COL5A2: variants seen among roughly 807,000 people sequenced by gnomAD.
COL5A2 encodes collagen alpha-2(V) chain.
In COL5A2, 23 loss-of-function variants were observed where a neutral mutation model predicts 208.2. The observed-to-expected ratio is 0.11, with a 90% CI of 0.08 to 0.16. The LOEUF (loss-of-function observed/expected upper bound fraction) is 0.16. Ranked by LOEUF, COL5A2 falls within the 10% of genes least tolerant of loss-of-function variation. COL5A2 has a pLI of 1.00. For missense variants in COL5A2, 1,590 were observed against 1,956.4 expected (o/e 0.81, Z 3.53); for synonymous variants, 625 against 628.5 (o/e 0.99, Z 0.08).
At chr2:189,210,242 TAAAG>T (rs1312502697) in intron 1 of COL5A2, among the ~76,000 whole-genome samples, 7 of 151,892 alleles carry the variant, frequency 4.6e-5, no homozygotes, top group Non-Finnish European at 7.4e-5. Context: ...AAAAAGGAAA[TAAAG>T]AGAGTTTAAA....
At chr2:189,347,544 T>A in the COL5A2 span, among the ~76,000 whole-genome samples, 2 of 152,182 alleles carry the variant, frequency 1.3e-5, no homozygotes, top group Non-Finnish European at 2.9e-5. Context: ...CATCATGAAA[T>A]GTCTAAAATC....
At position 189,032,459 on chromosome 2, in the gene COL5A2, T is replaced by C. The variant is rs1685354293; in HGVS notation, c.*1611A>G. On this transcript the variant is annotated 3_prime_UTR_variant, in exon 54 of 54. Coordinates refer to ENST00000374866, the MANE Select transcript of COL5A2 (RefSeq NM_000393.5). Reference sequence around the variant, plus strand: ...ATACCACCACATCTCCTTTTCACTATTGGAAATGAAATAGATCTAATATGG... The same window carrying C: ...ATACCACCACATCTCCTTTTCACTACTGGAAATGAAATAGATCTAATATGG... 1.3e-5 allele frequency: 2 copies of C among 152,210 alleles called. No homozygotes were observed. Among genetic ancestry groups the C allele is most frequent in the East Asian group, 3.9e-4 (2 of 5,182 alleles). The allele number at this position is 152,210 out of a possible 1,614,324, so 9.4% of individuals were successfully genotyped here.
At chr2:189,124,810 A>G (rs1687577153) in intron 1 of COL5A2, among the ~76,000 whole-genome samples, 3 of 150,914 alleles carry the variant, frequency 2.0e-5, no homozygotes, top group East Asian at 3.9e-4. Context: ...TATAACTTCA[A>G]TTTTTTTCCT....
At chr2:189,194,217 C>T (rs1346468331) in intron 1 of COL5A2, among the ~76,000 whole-genome samples, 1 of 152,124 alleles carries the variant, frequency 6.6e-6, no homozygotes, top group Non-Finnish European at 1.5e-5. Context: ...CTGCTCTACA[C>T]TATGGTCCAA....
At chr2:189,171,334 T>C (rs913648495) in intron 1 of COL5A2, among the ~76,000 whole-genome samples, 4 of 152,142 alleles carry the variant, frequency 2.6e-5, no homozygotes, top group African/African-American at 9.7e-5. Context: ...TAGATAGTTT[T>C]ATATCACACT....
At chr2:189,336,948 G>C in the COL5A2 span, among the ~76,000 whole-genome samples, 8 of 152,282 alleles carry the variant, frequency 5.3e-5, no homozygotes, top group East Asian at 1.5e-3. Context: ...AAAGAGTTTA[G>C]ATTCAGGTTG....
the COL5A2 span, among the ~76,000 whole-genome samples, chr2:189,356,078 T>A: frequency 6.6e-6 from 1 of 152,204 alleles, no homozygotes; most frequent in African/African-American, 2.4e-5. Flanking sequence ...TGAAAATTCT[T>A]TAAGAATGTT....
At chr2:189,195,657 A>C (rs1688990833) in intron 1 of COL5A2, among the ~76,000 whole-genome samples, 1 of 151,998 alleles carries the variant, frequency 6.6e-6, no homozygotes, top group Admixed American at 6.6e-5. Context: ...CAGAAATAAC[A>C]CCACGTATCT....
intron 12 of COL5A2, among the ~76,000 whole-genome samples, chr2:189,083,060 A>G (rs1269402552): frequency 1.3e-5 from 2 of 152,234 alleles, no homozygotes; most frequent in African/African-American, 2.4e-5. Context: ...GAAAGTAAAC[A>G]GAAAGTAATG....
intron 45 of COL5A2, 146 bp downstream of exon 45, chr2:189,048,063 A>T (rs559151229): frequency 5.3e-4 from 379 of 719,112 alleles, no homozygotes; most frequent in Non-Finnish European, 8.6e-4. Context: ...AAGATATAAA[A>T]ATTATGGCTT....
intron 2 of COL5A2, among the ~76,000 whole-genome samples, chr2:189,109,484 T>C (rs142199987): frequency 6.6e-6 from 1 of 152,228 alleles, no homozygotes; most frequent in East Asian, 1.9e-4. Flanking sequence ...AGCCTTGATA[T>C]TGTCTTGACA....
At chr2:189,439,667 T>C in the COL5A2 span, among the ~76,000 whole-genome samples, 2 of 152,306 alleles carry the variant, frequency 1.3e-5, no homozygotes, top group African/African-American at 4.8e-5. Context: ...GAAATCAAAA[T>C]ACAAATGACT....
At chr2:189,178,843 T>TA (rs1559138620) in intron 1 of COL5A2, among the ~76,000 whole-genome samples, 1 of 152,132 alleles carries the variant, frequency 6.6e-6, no homozygotes, top group Non-Finnish European at 1.5e-5. Flanking sequence ...ACTGTCCTGT[T>TA]AATCAAGCCA....
intron 1 of COL5A2, among the ~76,000 whole-genome samples, chr2:189,211,977 A>G (rs1319969668): frequency 6.6e-6 from 1 of 152,222 alleles, no homozygotes; most frequent in Non-Finnish European, 1.5e-5. Flanking sequence ...GAGAAATGAC[A>G]GGACAACCCC....
chr2:189,357,511 A>T, the COL5A2 span, among the ~76,000 whole-genome samples: 1 of 152,028 alleles, frequency 6.6e-6, no homozygotes, highest in East Asian at 1.9e-4. Context: ...CTTTGTTTAC[A>T]CTGTGAGGGT....
chr2:189,319,388 C>A, the COL5A2 span, among the ~76,000 whole-genome samples: 2 of 152,228 alleles, frequency 1.3e-5, no homozygotes, highest in Admixed American at 1.3e-4. Context: ...CCGGGAAGTG[C>A]AAGGGGTCAG....
chr2:189,179,854 C>A, upstream of COL5A2: 1 of 614,936 alleles, frequency 1.6e-6, no homozygotes, highest in South Asian at 2.0e-5. Flanking sequence ...GGCTCATAAC[C>A]ATCCAGTGTC....
At chr2:189,097,519 T>A in intron 5 of COL5A2, 189 bp from the exon 6 acceptor site, 1 of 698,586 alleles carries the variant, frequency 1.4e-6, no homozygotes. Flanking sequence ...GTTTATGTTA[T>A]CAGTGACATT....
the COL5A2 span, among the ~76,000 whole-genome samples, chr2:189,397,962 T>G: frequency 1.3e-5 from 2 of 152,136 alleles, no homozygotes; most frequent in East Asian, 1.9e-4. Context: ...TTATATGCAT[T>G]CCACAAATTT....
Sources: allele counts gnomAD v4.1 joint callset (sites outside exome capture counted in the v4.1 genomes callset), GRCh38; gene constraint gnomAD v4.1.1; transcripts MANE v1.5; gene names NCBI Gene and HGNC (gene_info 2026-07-23, HGNC 2026-07-21).